MLLT1: variants seen among roughly 807,000 people sequenced by gnomAD.
MLLT1 encodes protein ENL.
MLLT1 carries 11 observed loss-of-function variants against 55.1 expected under a neutral mutation model. The observed-to-expected ratio is 0.20, with a 90% CI of 0.13 to 0.33. The LOEUF (loss-of-function observed/expected upper bound fraction) is 0.33. MLLT1 is among the 10% of genes least tolerant of loss of function. MLLT1 has a pLI of 1.00. For synonymous variants in MLLT1, 323 were observed against 320.1 expected (o/e 1.01, Z -0.10); for missense variants, 536 against 760.6 (o/e 0.70, Z 3.47).
chr19:6,220,415 G>A (rs1040864790), intron 6 of MLLT1, among the ~76,000 whole-genome samples: 5 of 152,348 alleles, frequency 3.3e-5, no homozygotes, highest in Admixed American at 3.3e-4. Flanking sequence ...CACGCGGGGC[G>A]CTCTTCTTCG....
intron 1 of MLLT1, among the ~76,000 whole-genome samples, chr19:6,278,686 A>G (rs9304931): frequency 0.78 from 118,213 of 151,946 alleles, 46,282 homozygotes; most frequent in East Asian, 0.95. Flanking sequence ...AGCCTAAATC[A>G]GGATCCCAGG....
At chr19:6,248,446 T>C (rs1252109524) in intron 3 of MLLT1, among the ~76,000 whole-genome samples, 1 of 152,204 alleles carries the variant, frequency 6.6e-6, no homozygotes, top group Non-Finnish European at 1.5e-5. Context: ...AGATGCCACT[T>C]AACCAGGAGA....
intron 3 of MLLT1, among the ~76,000 whole-genome samples, chr19:6,252,861 C>T (rs1167915185): frequency 1.3e-5 from 2 of 152,044 alleles, no homozygotes; most frequent in African/African-American, 2.4e-5. Context: ...AAAGTGGGAA[C>T]TACCAATCTT....
In MLLT1 at chr19:6,222,276, A is replaced by T. The variant is rs1174341590; in HGVS notation, c.955T>A (p.Ser319Thr). ...RSAPGTSPRT[S>T]SSSSFSDKKP... is the part of the protein sequence containing the mutation. Reference sequence around the variant, plus strand: ...TTGTCCGAGAAGGAGGAGGAGGAGGAGGTGCGGGGCGAGGTGCCTGGAGCA... The same window carrying T: ...TTGTCCGAGAAGGAGGAGGAGGAGGTGGTGCGGGGCGAGGTGCCTGGAGCA... Residue 319 changes from serine (S) to threonine (T), a missense_variant, in exon 6 of 12, where the codon TCC (serine) becomes ACC (threonine). Physicochemically the swap from Ser to Thr is moderately conservative, Grantham distance 58. Around this residue, in one of 3 missense-constraint regions of MLLT1, gnomAD observed 449 missense variants for 489.0 expected, o/e 0.92. Coordinates refer to ENST00000252674, the MANE Select transcript of MLLT1 (RefSeq NM_005934.4). This position sits in a 1 kb window ranked among gnomAD's most constrained non-coding sequence, Gnocchi z 4.1. 6 of 1,608,360 alleles carry T rather than the reference A, an allele frequency of 3.7e-6. No homozygotes were observed. Among genetic ancestry groups the T allele is most frequent in the Non-Finnish European group, 5.1e-6 (6 of 1,177,744 alleles).
chr19:6,267,715 G>A (rs771861302), intron 2 of MLLT1, among the ~76,000 whole-genome samples: 1 of 152,170 alleles, frequency 6.6e-6, no homozygotes, highest in Non-Finnish European at 1.5e-5. Context: ...TGTCAACGCC[G>A]CCTACTGCTA....
rs1315709559 is a variant in MLLT1 at position 6,256,251 on chromosome 19, AAAT to A, written c.276+5974_276+5976del. On this transcript the variant is annotated intron_variant, in intron 3 of 11. Transcript: ENST00000252674. The surrounding 1 kb of genome is among the most constrained non-coding windows in gnomAD (Gnocchi z 4.1). ...TAAATAAATAAATAAATAAATAAAT[AAAT>A]AAAAAGACCAGCCTGGGCAACACAA... Among the ~76,000 whole-genome samples, 3 of 150,090 alleles carry A rather than the reference AAAT, an allele frequency of 2.0e-5. No homozygotes were observed. The highest frequency in any genetic ancestry group is 7.4e-5 in the African/African-American group (3 of 40,706).
chr19:6,270,712 G>C lies in MLLT1; in HGVS notation c.60C>G (p.Arg20=). Residue 20 remains arginine, a synonymous_variant, in exon 2 of 12, where the codon CGC becomes CGG. Coordinates refer to ENST00000252674, the MANE Select transcript of MLLT1 (RefSeq NM_005934.4). This position sits in a 1 kb window ranked among gnomAD's most constrained non-coding sequence, Gnocchi z 7.1. ...RLELGHRAQL[R]KKPTTEGFTH... The stretch of plus-strand genomic sequence containing the variant: ...TGAACCCCTCCGTGGTGGGCTTCTT[G>C]CGCAGTTGGGCGCGATGCCCCAGCT... 6 of 1,613,870 alleles carry C rather than the reference G, an allele frequency of 3.7e-6. No homozygotes were observed. The highest frequency in any genetic ancestry group is 5.1e-6 in the Non-Finnish European group (6 of 1,179,878).
chr19:6,222,681 C>A lies in MLLT1; in HGVS notation c.550G>T (p.Ala184Ser), dbSNP rs776746658. 6.5e-7 allele frequency: 1 copy of A among 1,529,424 alleles called. No homozygotes were observed. The highest frequency in any genetic ancestry group is 8.8e-7 in the Non-Finnish European group (1 of 1,141,756). 94.7% of individuals were successfully genotyped at this position (1,529,424 alleles called of 1,614,324 possible). The change falls in exon 6 of 12, where the codon GCC (alanine) becomes TCC (serine). Residue 184 changes from alanine (A) to serine (S), a missense_variant. Physicochemically the swap from Ala to Ser is moderately conservative, Grantham distance 99. Around this residue, in one of 3 missense-constraint regions of MLLT1, gnomAD observed 449 missense variants for 489.0 expected, o/e 0.92. Transcript: ENST00000252674. This position sits in a 1 kb window ranked among gnomAD's most constrained non-coding sequence, Gnocchi z 4.1. The stretch of plus-strand genomic sequence containing the variant: ...GAGGTCTTGCTGCTCTCCTTGTTGG[C>A]GTCCTGCAAGGCCAAGAGCAGGGAG... Reference protein sequence around the residue: ...KTKPSHGSKDANKESSKTSKP... With the variant: ...KTKPSHGSKDSNKESSKTSKP...
At chr19:6,265,048 A>C (rs1568296280) in intron 2 of MLLT1, among the ~76,000 whole-genome samples, 1 of 72,226 alleles carries the variant, frequency 1.4e-5, no homozygotes, top group African/African-American at 4.7e-5. Flanking sequence ...CAAAAAAAAA[A>C]CAAAAAAACA....
intron 9 of MLLT1, 23 bp from the exon 10 acceptor site, chr19:6,213,820 C>T (rs1416309624): frequency 6.2e-7 from 1 of 1,612,364 alleles, no homozygotes; most frequent in Non-Finnish European, 8.5e-7. Flanking sequence ...CAGGTCTCTG[C>T]TGAGCTGTGG....
chr19:6,277,387 T>C (rs2091433238), intron 1 of MLLT1, among the ~76,000 whole-genome samples: 1 of 152,246 alleles, frequency 6.6e-6, no homozygotes, highest in African/African-American at 2.4e-5. Context: ...GAAATGCATC[T>C]GCATTGCCCG....
rs1278557615 is a variant in MLLT1 at position 6,230,942 on chromosome 19, G to C, written c.277-229C>G. On this transcript the variant is annotated intron_variant, in intron 3 of 11. Coordinates refer to ENST00000252674, the MANE Select transcript of MLLT1 (RefSeq NM_005934.4). This position sits in a 1 kb window ranked among gnomAD's most constrained non-coding sequence, Gnocchi z 9.0. ...TTGCAGGCCCCATGGCAGAAAGAAAGCTCATTCATAGCCATGCTCTCGGAC... is the reference window on the plus strand; with the variant it reads ...TTGCAGGCCCCATGGCAGAAAGAAACCTCATTCATAGCCATGCTCTCGGAC... Among the ~76,000 whole-genome samples, 1 of 152,172 alleles carries C rather than the reference G, an allele frequency of 6.6e-6. No homozygotes were observed. The highest frequency in any genetic ancestry group is 1.5e-5 in the Non-Finnish European group (1 of 68,040).
At chr19:6,255,124 T>C (rs1362062606) in intron 3 of MLLT1, among the ~76,000 whole-genome samples, 2 of 152,192 alleles carry the variant, frequency 1.3e-5, no homozygotes, top group African/African-American at 2.4e-5. Flanking sequence ...TGTGCTTCTA[T>C]ACACCTGCAA....
rs952848479 is a variant in MLLT1, at chr19:6,219,033, G to A, written c.1111-992C>T. ...CGCTGCAGCCGCCAGCCATGCAAGGGAAGCCGTGAACGGAGTACTGAGCTG... is the reference window on the plus strand; with the variant it reads ...CGCTGCAGCCGCCAGCCATGCAAGGAAAGCCGTGAACGGAGTACTGAGCTG... On this transcript the variant is annotated intron_variant, in intron 6 of 11. Coordinates refer to ENST00000252674, the MANE Select transcript of MLLT1 (RefSeq NM_005934.4). The surrounding 1 kb of genome is among the most constrained non-coding windows in gnomAD (Gnocchi z 4.5). Among the ~76,000 whole-genome samples the A allele has an allele frequency of 1.3e-5, 2 of 152,116 alleles. No individual in the cohort carries two copies. Among genetic ancestry groups the A allele is most frequent in the Non-Finnish European group, 2.9e-5 (2 of 67,998 alleles).
At chr19:6,220,187 G>A (rs943841528) in intron 6 of MLLT1, among the ~76,000 whole-genome samples, 8 of 152,368 alleles carry the variant, frequency 5.3e-5, no homozygotes, top group African/African-American at 1.4e-4. Context: ...TGGTAGCACA[G>A]CCACACACAG....
Position 6,213,415 on chromosome 19 carries a change from A to G in MLLT1, c.1480-7T>C, listed in dbSNP as rs776717033. ...CCAGCTCATCCGTGTAGGCCTGGGG[A>G]GGGGGGGCAGGTCTCAGCAGCGTGT... On this transcript the variant is annotated splice_polypyrimidine_tract_variant and splice_region_variant and intron_variant, in intron 10 of 11. Transcript: ENST00000252674. The G allele has an allele frequency of 2.5e-6, 4 of 1,607,094 alleles. No homozygotes were observed. The highest frequency in any genetic ancestry group is 1.3e-5 in the African/African-American group (1 of 74,828).
intron 5 of MLLT1, among the ~76,000 whole-genome samples, chr19:6,225,941 T>C (rs111345878): frequency 0.016 from 2,395 of 152,328 alleles, 61 homozygotes; most frequent in African/African-American, 0.053. Flanking sequence ...CAGGGAGAGA[T>C]AGGCCAGGAG....
chr19:6,216,788 G>A, intron 7 of MLLT1: 3 of 462,844 alleles, frequency 6.5e-6, no homozygotes, highest in Non-Finnish European at 1.2e-5. Context: ...TGGGCGCGCA[G>A]GGCCCCTCCA....
chr19:6,214,036 A>G lies in MLLT1; in HGVS notation c.1310T>C (p.Leu437Ser), dbSNP rs2090811195. Residue 437 changes from leucine to serine, a missense_variant and splice_region_variant, in exon 9 of 12, where the codon TTG (leucine) becomes TCG (serine). Leu to Ser is a moderately radical substitution (Grantham distance 145). Transcript: ENST00000252674. ...GKTNPGRDSR[L>S]SFSDSESDNS... ...GTCACTCTCGCTGTCGCTGAAGCTC[A>G]ACCTGAACCGACACACGGGGGCGCA... is the stretch of plus-strand genomic sequence containing the variant. 1.4e-6 allele frequency: 2 copies of G among 1,439,146 alleles called. No homozygotes were observed. Among genetic ancestry groups the G allele is most frequent in the Non-Finnish European group, 9.1e-7 (1 of 1,097,626 alleles). The allele number at this position is 1,439,146 out of a possible 1,614,324, so 89.1% of individuals were successfully genotyped here.
Sources: gnomAD v4.1 joint callset for allele counts (sites outside exome capture counted in the v4.1 genomes callset) on GRCh38, gnomAD v4.1.1 for gene constraint, gnomAD v4.1.1 regional missense constraint, Gnocchi (gnomAD v3.1) non-coding constraint, MANE v1.5 for transcripts, NCBI Gene and HGNC (gene_info 2026-07-23, HGNC 2026-07-21) for gene names.